USP33: variants seen among roughly 807,000 people sequenced by gnomAD.
USP33 encodes ubiquitin specific peptidase 33.
USP33 carries 46 observed loss-of-function variants against 124.2 expected under a neutral mutation model. The ratio of observed to expected loss-of-function variants is 0.37; its 90% CI spans 0.29 to 0.47. The LOEUF is 0.47. Among genes scored for constraint, USP33 ranks in the 20% least tolerant of loss-of-function variants. The probability of loss-of-function intolerance (pLI) is 0.99; values close to 1 mark genes in which losing one functional copy is unlikely to be tolerated. For synonymous variants in USP33, 350 were observed against 352.3 expected, an observed-to-expected ratio of 0.99 and a Z score of 0.07; for missense variants, 851 against 1,070.6, an observed-to-expected ratio of 0.79 and a Z score of 2.86.
intron 1 of USP33, among the ~76,000 whole-genome samples, chr1:77,755,143 C>G (rs1680680096): frequency 6.6e-6 from 1 of 152,066 alleles, no homozygotes; most frequent in African/African-American, 2.4e-5. Context: ...AGTTAATATA[C>G]TGGCATTACG....
intron 1 of USP33, among the ~76,000 whole-genome samples, chr1:77,749,554 G>C (rs546485991): frequency 6.6e-6 from 1 of 151,962 alleles, no homozygotes; most frequent in Admixed American, 6.6e-5. Context: ...GCTAATTTTT[G>C]TATTATTAGT....
chr1:77,704,722 A>G (rs940375463), intron 21 of USP33, among the ~76,000 whole-genome samples: 3 of 152,182 alleles, frequency 2.0e-5, no homozygotes, highest in African/African-American at 4.8e-5. Context: ...TATATCTTTC[A>G]GCATACTCAT....
chr1:77,744,749 G>A (rs1376222945), intron 1 of USP33, among the ~76,000 whole-genome samples: 2 of 152,172 alleles, frequency 1.3e-5, no homozygotes, highest in Non-Finnish European at 2.9e-5. Context: ...CGAGGCTGAG[G>A]TGAGAGGATC....
At chr1:77,702,909 G>A (rs1469441780) in intron 21 of USP33, among the ~76,000 whole-genome samples, 1 of 148,104 alleles carries the variant, frequency 6.8e-6, no homozygotes, top group Non-Finnish European at 1.5e-5. Flanking sequence ...GTAGTAGTGT[G>A]TAAGTAGTGT....
chr1:77,728,475 T>C lies in USP33; in HGVS notation c.955A>G (p.Ile319Val). The change falls in exon 10 of 24, where the codon ATT becomes GTT. Residue 319 changes from isoleucine (I) to valine (V), a missense_variant. By Grantham distance (29) the Ile-to-Val change is conservative (BLOSUM62 3). Around this residue, in one of 4 missense-constraint regions of USP33, gnomAD observed 207 missense variants for 200.9 expected, o/e 1.03. Transcript: ENST00000370794. ...SEDNNETTMLIQDDENNSEMS... is the reference protein window; with the variant it reads ...SEDNNETTMLVQDDENNSEMS... ...TCTGAATTGTTTTCATCATCCTGAA[T>C]TAACATTGTTGTTTCATTATTATCT... The C allele has an allele frequency of 1.2e-6, 2 of 1,614,122 alleles. No homozygotes were observed. The highest frequency in any genetic ancestry group is 2.7e-5 in the African/African-American group (2 of 75,068).
At chr1:77,714,883 ATCTT>A (rs1347250040) in intron 18 of USP33, 100 bp from the exon 19 acceptor site, 66 of 1,199,488 alleles carry the variant, frequency 5.5e-5, no homozygotes, top group Middle Eastern at 5.7e-4. Flanking sequence ...TATTAACACT[ATCTT>A]TATTAGGTCT....
intron 20 of USP33, among the ~76,000 whole-genome samples, 178 bp downstream of exon 20, chr1:77,713,018 AAATT>A (rs779671455): frequency 3.9e-5 from 6 of 152,236 alleles, no homozygotes; most frequent in Admixed American, 6.5e-5. Flanking sequence ...GAAAAAATTA[AAATT>A]AATTATCTAG....
chr1:77,714,659 C>T lies in USP33; in HGVS notation c.2170G>A (p.Glu724Lys), dbSNP rs1337259372. 1.9e-6 allele frequency: 3 copies of T among 1,613,290 alleles called. No individual in the cohort carries two copies. Among genetic ancestry groups the T allele is most frequent in the Non-Finnish European group, 2.5e-6 (3 of 1,179,942 alleles). ...QWLNKFKTFA[E>K]PGPISNNDFL... The stretch of plus-strand genomic sequence containing the variant: ...TCATTATTTGAAATAGGGCCAGGTT[C>T]GGCAAAGGTCTTAAATTTATTAAGC... The change falls in exon 19 of 24, where the codon GAA becomes AAA. Residue 724 changes from glutamate to lysine, a missense_variant. Physicochemically the swap from Glu to Lys is moderately conservative, Grantham distance 56. This residue lies in a region of USP33 where 281 missense variants were observed against 425.0 expected (regional missense o/e 0.66). Transcript: ENST00000370794.
At chr1:77,703,351 G>A (rs1674255624) in intron 21 of USP33, among the ~76,000 whole-genome samples, 1 of 152,184 alleles carries the variant, frequency 6.6e-6, no homozygotes, top group Non-Finnish European at 1.5e-5. Flanking sequence ...ACCTGGGCCA[G>A]GCGCAGTGGC....
chr1:77,740,772 G>A (rs888660037), intron 4 of USP33, 105 bp downstream of exon 4: 4 of 784,424 alleles, frequency 5.1e-6, no homozygotes, highest in Non-Finnish European at 8.4e-6. Context: ...TTAACTTAGA[G>A]TGCAAATTTG....
chr1:77,747,526 G>A (rs764125252), intron 1 of USP33, among the ~76,000 whole-genome samples: 3 of 152,032 alleles, frequency 2.0e-5, no homozygotes, highest in Admixed American at 6.6e-5. Flanking sequence ...CCAAAGCGCT[G>A]GGATTATAAG....
At chr1:77,703,681 T>C (rs951146703) in intron 21 of USP33, among the ~76,000 whole-genome samples, 4 of 152,202 alleles carry the variant, frequency 2.6e-5, no homozygotes, top group African/African-American at 9.6e-5. Flanking sequence ...CAGTGTAATC[T>C]TGGTGCCTCT....
Position 77,697,432 on chromosome 1 carries a change from A to G in USP33, c.2621T>C (p.Leu874Pro). ...AGGCCCTCCACCATAAATAGACTGCAGAAAATTCCATGTTTCTTCAGAAAT... is the reference window on the plus strand; with the variant it reads ...AGGCCCTCCACCATAAATAGACTGCGGAAAATTCCATGTTTCTTCAGAAAT... Reference protein sequence around the residue: ...GQISEETWNFLQSIYGGGPEV... With the variant: ...GQISEETWNFPQSIYGGGPEV... The change falls in exon 24 of 24, where the codon CTG (leucine) becomes CCG (proline). Residue 874 changes from leucine to proline, a missense_variant. By Grantham distance (98) the Leu-to-Pro change is moderately conservative. This residue lies in a region of USP33 where 142 missense variants were observed against 141.8 expected (regional missense o/e 1.00). Transcript: ENST00000370794. 1.2e-6 allele frequency: 2 copies of G among 1,607,350 alleles called. No individual in the cohort carries two copies. Among genetic ancestry groups the G allele is most frequent in the Non-Finnish European group, 1.7e-6 (2 of 1,178,548 alleles).
At chr1:77,751,984 C>T (rs1377857628) in intron 1 of USP33, among the ~76,000 whole-genome samples, 2 of 150,930 alleles carry the variant, frequency 1.3e-5, no homozygotes, top group East Asian at 2.0e-4. Context: ...CACCGCGCCG[C>T]GCCCGAAGAT....
chr1:77,754,811 T>C (rs1168582374), intron 1 of USP33, among the ~76,000 whole-genome samples: 1 of 152,252 alleles, frequency 6.6e-6, no homozygotes, highest in East Asian at 1.9e-4. Flanking sequence ...AACCTATGTG[T>C]TCTACAATCT....
chr1:77,705,135 G>T (rs1419006702), intron 21 of USP33, among the ~76,000 whole-genome samples: 2 of 145,936 alleles, frequency 1.4e-5, no homozygotes, highest in Non-Finnish European at 3.0e-5. Flanking sequence ...AAAGGGGGGG[G>T]GCTGAATAAA....
intron 21 of USP33, among the ~76,000 whole-genome samples, chr1:77,706,693 G>GT (rs1325441250): frequency 6.6e-6 from 1 of 152,142 alleles, no homozygotes; most frequent in Non-Finnish European, 1.5e-5. Context: ...ACTGGACTTA[G>GT]TTTTTTTGTG....
At position 77,728,622 on chromosome 1, in the gene USP33, T is replaced by C. The variant is rs1373297773; in HGVS notation, c.808A>G (p.Ile270Val). Residue 270 changes from isoleucine to valine, a missense_variant, in exon 10 of 24, where the codon ATA (isoleucine) becomes GTA (valine). By Grantham distance (29) the Ile-to-Val change is conservative. Around this residue, in one of 4 missense-constraint regions of USP33, gnomAD observed 207 missense variants for 200.9 expected, o/e 1.03. Coordinates refer to ENST00000370794, the MANE Select transcript of USP33 (RefSeq NM_201624.3). ...VMEVEEDPQT[I>V]TTEETMEEDK... ...TCTTCCATTGTCTCCTCAGTGGTTA[T>C]GGTTTGCGGATCTTCTTCTACTTCC... 16 of 1,614,066 alleles carry C rather than the reference T, an allele frequency of 9.9e-6. No homozygotes were observed. Among genetic ancestry groups the C allele is most frequent in the Admixed American group, 5.0e-5 (3 of 60,004 alleles).
At position 77,718,942 on chromosome 1, in the gene USP33, A is replaced by AG. The variant is rs1480006868; in HGVS notation, c.1692-302_1692-301insC. Among the ~76,000 whole-genome samples the AG allele has an allele frequency of 6.6e-3, 992 of 150,812 alleles. 7 individuals carry two copies. The highest frequency in any genetic ancestry group is 0.011 in the Non-Finnish European group (712 of 67,570). On this transcript the variant is annotated intron_variant, in intron 15 of 23. Coordinates refer to ENST00000370794, the MANE Select transcript of USP33 (RefSeq NM_201624.3). ...ACCCTGCCTCAAAAAAAAAAAAAAA[A>AG]AAAGAAAGAAAGAAAGAAAATGCAG...
Sources: allele counts gnomAD v4.1 joint callset (sites outside exome capture counted in the v4.1 genomes callset), GRCh38; gene constraint gnomAD v4.1.1; regional missense constraint gnomAD v4.1.1; transcripts MANE v1.5; gene names NCBI Gene and HGNC (gene_info 2026-07-23, HGNC 2026-07-21).